The following EIF3M variants were observed in gnomAD, a reference collection of about 807,000 sequenced individuals.
EIF3M encodes B5 receptor.
EIF3M carries 25 observed loss-of-function variants against 49.7 expected under a neutral mutation model. The observed-to-expected ratio is 0.50, with a 90% CI of 0.37 to 0.70. The LOEUF is 0.70. EIF3M is among the 30% of genes least tolerant of loss of function. The pLI, the probability that EIF3M is intolerant of heterozygous loss-of-function variation, is 0.00. For synonymous variants in EIF3M, 156 were observed against 149.8 expected (o/e 1.04, Z -0.30); for missense variants, 350 against 440.0 (o/e 0.80, Z 1.83).
intron 2 of EIF3M, among the ~76,000 whole-genome samples, chr11:32,587,412 C>T (rs150497849): frequency 2.0e-5 from 3 of 152,302 alleles, no homozygotes; most frequent in African/African-American, 7.2e-5. Flanking sequence ...GAATATCACA[C>T]ATCTTTTCTT....
chr11:32,594,678 C>T, intron 6 of EIF3M: 2 of 335,526 alleles, frequency 6.0e-6, no homozygotes, highest in Non-Finnish European at 5.4e-6. Flanking sequence ...TACCTTGGTG[C>T]TTTCTCTCCA....
Position 32,602,353 on chromosome 11 carries a change from A to C in EIF3M, c.1079A>C (p.Asn360Thr). 6.2e-7 allele frequency: 1 copy of C among 1,612,720 alleles called. No homozygotes were observed. The highest frequency in any genetic ancestry group is 8.5e-7 in the Non-Finnish European group (1 of 1,179,098). The part of the protein sequence containing the change: ...LYDTLNAWKQ[N>T]LNKVKNSLLS... ...GACACACTTAATGCCTGGAAACAAA[A>C]TCTGAACAAAGTGAAAAACAGCCTT... The change falls in exon 11 of 11, where the codon AAT (asparagine) becomes ACT (threonine). Residue 360 changes from asparagine (N) to threonine (T), a missense_variant. Coordinates refer to ENST00000531120, the MANE Select transcript of EIF3M (RefSeq NM_006360.6).
In EIF3M at chr11:32,602,961, C is replaced by T. The variant is rs1475113972; in HGVS notation, c.*562C>T. 5.6e-6 allele frequency: 9 copies of T among 1,613,472 alleles called. No homozygotes were observed. Among genetic ancestry groups the T allele is most frequent in the Middle Eastern group, 1.7e-4 (1 of 6,056 alleles). ...CATCATCACCAGAAGTATTTTTAGT[C>T]GTCTTGATTGCCTGCAAATGGCTTT... On this transcript the variant is annotated 3_prime_UTR_variant, in exon 11 of 11. Coordinates refer to ENST00000531120, the MANE Select transcript of EIF3M (RefSeq NM_006360.6).
chr11:32,594,903 C>T lies in EIF3M; in HGVS notation c.618-11C>T. The T allele has an allele frequency of 1.3e-6, 2 of 1,594,232 alleles. No homozygotes were observed. Among genetic ancestry groups the T allele is most frequent in the Non-Finnish European group, 1.7e-6 (2 of 1,172,028 alleles). On this transcript the variant is annotated splice_polypyrimidine_tract_variant and intron_variant, in intron 6 of 10. Transcript: ENST00000531120. ...AAAACCCTGAGCTTACATTTTTGTT[C>T]TCTAATTAAGGTGTATTGTACGAGC...
rs1028081653 is a variant in EIF3M, at chr11:32,602,374, G to A, written c.1100G>A (p.Ser367Asn). Reference sequence around the variant, plus strand: ...CAAAATCTGAACAAAGTGAAAAACAGCCTTTTGAGTCTTTCTGATACCTGA... The same window carrying A: ...CAAAATCTGAACAAAGTGAAAAACAACCTTTTGAGTCTTTCTGATACCTGA... ...WKQNLNKVKN[S>N]LLSLSDT Residue 367 changes from serine (S) to asparagine (N), a missense_variant, in exon 11 of 11, where the codon AGC becomes AAC. Coordinates refer to ENST00000531120, the MANE Select transcript of EIF3M (RefSeq NM_006360.6). 2 of 1,611,592 alleles carry A rather than the reference G, an allele frequency of 1.2e-6. No individual in the cohort carries two copies. The highest frequency in any genetic ancestry group is 1.7e-6 in the Non-Finnish European group (2 of 1,178,524).
intron 6 of EIF3M, 104 bp downstream of exon 6, chr11:32,594,053 A>G: frequency 1.4e-6 from 1 of 705,204 alleles, no homozygotes. Flanking sequence ...CCAGTGATCC[A>G]GAGCCATTTG....
chr11:32,596,503 G>T (rs996926524), intron 8 of EIF3M, among the ~76,000 whole-genome samples: 12 of 151,508 alleles, frequency 7.9e-5, no homozygotes, highest in Non-Finnish European at 1.3e-4. Flanking sequence ...GCTGAGGCAG[G>T]AGAATAGCTT....
In EIF3M at chr11:32,605,504, T is replaced by C. The variant is rs1023998625; in HGVS notation, c.*3105T>C. The C allele has an allele frequency of 1.3e-5, 2 of 152,230 alleles. No homozygotes were observed. Among genetic ancestry groups the C allele is most frequent in the African/African-American group, 4.8e-5 (2 of 41,460 alleles). 9.4% of individuals were successfully genotyped at this position (152,230 alleles called of 1,614,324 possible). A position where few individuals can be genotyped will look rare whatever the true frequency, so the allele number is the denominator to read the frequency against. On this transcript the variant is annotated 3_prime_UTR_variant, in exon 11 of 11. Coordinates refer to ENST00000531120, the MANE Select transcript of EIF3M (RefSeq NM_006360.6). ...AGTAATGGATAAAAACCTACATAAA[T>C]ATTTCCTATTTTGCCATCAAAGTGC...
At chr11:32,594,792 T>C in intron 6 of EIF3M, 122 bp from the exon 7 acceptor site, 1 of 726,750 alleles carries the variant, frequency 1.4e-6, no homozygotes. Context: ...TTTTTAATGT[T>C]GTTTATATGT....
In EIF3M at chr11:32,600,422, T is replaced by C. The variant is rs1661513393; in HGVS notation, c.800-267T>C. On this transcript the variant is annotated intron_variant, in intron 8 of 10. Transcript: ENST00000531120. ...TGTAAAATGTGCAAAACTTTTAGGG[T>C]CTAAAAATAATCATTTTATGGCCGA... Among the ~76,000 whole-genome samples the C allele has an allele frequency of 2.0e-5, 3 of 151,924 alleles. No individual in the cohort carries two copies. The South Asian group carries it at 6.2e-4, about 31-fold the overall frequency.
intron 5 of EIF3M, chr11:32,592,566 G>C (rs1855119644): frequency 1.8e-6 from 1 of 542,882 alleles, no homozygotes; most frequent in Admixed American, 1.9e-5. Context: ...ACACATTGCT[G>C]CATCCACCTC....
In EIF3M at chr11:32,602,663, G is replaced by A; in HGVS notation, c.*264G>A. The A allele has an allele frequency of 7.8e-6, 6 of 773,164 alleles. No individual in the cohort carries two copies. The highest frequency in any genetic ancestry group is 1.2e-5 in the Non-Finnish European group (6 of 494,790). The allele number at this position is 773,164 out of a possible 1,614,324, so 47.9% of individuals were successfully genotyped here. On this transcript the variant is annotated 3_prime_UTR_variant, in exon 11 of 11. Coordinates refer to ENST00000531120, the MANE Select transcript of EIF3M (RefSeq NM_006360.6). ...GATAATATACAGAGAGAAGACAGAA[G>A]TAGAGTAATACAATTTCTTCACATT...
chr11:32,602,001 TC>T, intron 10 of EIF3M, 179 bp downstream of exon 10: 1 of 839,736 alleles, frequency 1.2e-6, no homozygotes. Context: ...AATGAAAGAG[TC>T]CTATTTTCCA....
chr11:32,602,077 A>T, intron 10 of EIF3M: 2 of 933,494 alleles, frequency 2.1e-6, no homozygotes, highest in Non-Finnish European at 3.3e-6. Context: ...TGCTTTATAT[A>T]GTTGCTCAGG....
chr11:32,588,470 C>T (rs536176810), intron 2 of EIF3M, 124 bp from the exon 3 acceptor site: 4 of 1,020,866 alleles, frequency 3.9e-6, no homozygotes, highest in Admixed American at 3.3e-5. Flanking sequence ...AAGTTGCTTT[C>T]TGAATGCGAA....
intron 8 of EIF3M, among the ~76,000 whole-genome samples, chr11:32,600,347 GA>G (rs1448439388): frequency 6.6e-6 from 1 of 151,252 alleles, no homozygotes; most frequent in Non-Finnish European, 1.5e-5. Context: ...TTGTTCTTAT[GA>G]AATGTACTTT....
intron 1 of EIF3M, among the ~76,000 whole-genome samples, chr11:32,584,524 C>T (rs922135054): frequency 1.3e-5 from 2 of 148,396 alleles, no homozygotes; most frequent in Non-Finnish European, 3.0e-5. Context: ...AAGAGAATCG[C>T]TTGAACCCGC....
intron 4 of EIF3M, 91 bp downstream of exon 4, chr11:32,589,226 G>A (rs1028374300): frequency 7.8e-6 from 12 of 1,540,594 alleles, no homozygotes; most frequent in East Asian, 2.3e-5. Flanking sequence ...GCCCAGGCTG[G>A]AGTGCAATGG....
In EIF3M at chr11:32,588,977, T is replaced by G. The variant is rs192168173; in HGVS notation, c.315-35T>G. The G allele has an allele frequency of 1.4e-4, 229 of 1,609,946 alleles. No individual in the cohort carries two copies. The African/African-American group carries it at 2.9e-3, about 21-fold the overall frequency. Reference sequence around the variant, plus strand: ...CCTCAACTTAAAACTGGTTGCTGATTTCAAACATTGTTTATTTGTTTGTTA... The same window carrying G: ...CCTCAACTTAAAACTGGTTGCTGATGTCAAACATTGTTTATTTGTTTGTTA... On this transcript the variant is annotated intron_variant, in intron 3 of 10. Coordinates refer to ENST00000531120, the MANE Select transcript of EIF3M (RefSeq NM_006360.6).
Sources: allele counts gnomAD v4.1 joint callset (sites outside exome capture counted in the v4.1 genomes callset), GRCh38; gene constraint gnomAD v4.1.1; transcripts MANE v1.5; gene names NCBI Gene and HGNC (gene_info 2026-07-23, HGNC 2026-07-21).